Variants in ATF2 observed in about 807,000 individuals in gnomAD.
ATF2 encodes the protein activating transcription factor 2, also known as cyclic AMP-dependent transcription factor ATF-2.
A neutral mutation model predicts 60.6 loss-of-function variants in ATF2; 24 were observed. The observed-to-expected ratio is 0.40, with a 90% CI of 0.29 to 0.56. The LOEUF (loss-of-function observed/expected upper bound fraction) is 0.56. ATF2 is among the 20% of genes least tolerant of loss of function. The pLI, the probability that ATF2 is intolerant of heterozygous loss-of-function variation, is 0.54. For missense variants in ATF2, 433 were observed against 607.7 expected, an observed-to-expected ratio of 0.71 and a Z score of 3.02; for synonymous variants, 206 against 215.4, an observed-to-expected ratio of 0.96 and a Z score of 0.38.
At chr2:175,108,444 C>T (rs1295195133) in intron 10 of ATF2, among the ~76,000 whole-genome samples, 7 of 150,014 alleles carry the variant, frequency 4.7e-5, no homozygotes, top group African/African-American at 1.7e-4. Flanking sequence ...CGGCCAGCAG[C>T]CCCGTCCGGG....
chr2:175,121,610 T>C (rs1574420047), intron 4 of ATF2, 70 bp from the exon 5 acceptor site: 2 of 1,208,950 alleles, frequency 1.7e-6, no homozygotes, highest in Middle Eastern at 2.0e-4. Context: ...GATTAGGAAA[T>C]TAATTTCCAC....
At chr2:175,140,999 GAAAAAAAAAAAAAAAAAAAAAAA>G (rs869208203) in intron 2 of ATF2, among the ~76,000 whole-genome samples, 4 of 26,760 alleles carry the variant, frequency 1.5e-4, no homozygotes, top group Non-Finnish European at 2.6e-4. Context: ...CCTATCTCAG[GAAAAAAAAAAAAAAAAAAAAAAA>G]AAAAAAAAAT....
At chr2:175,097,003 A>G (rs941996196) in intron 11 of ATF2, among the ~76,000 whole-genome samples, 1 of 152,216 alleles carries the variant, frequency 6.6e-6, no homozygotes, top group Non-Finnish European at 1.5e-5. Flanking sequence ...GTTTTGGACA[A>G]TAAGAAAACA....
At chr2:175,128,364 G>C (rs1366447255) in intron 4 of ATF2, among the ~76,000 whole-genome samples, 2 of 152,136 alleles carry the variant, frequency 1.3e-5, no homozygotes. Flanking sequence ...GCCAGGTGTG[G>C]TGGCGCATGC....
At chr2:175,081,178 T>TAAGCC (rs1693731904) in intron 12 of ATF2, among the ~76,000 whole-genome samples, 7 of 152,166 alleles carry the variant, frequency 4.6e-5, no homozygotes, top group African/African-American at 1.7e-4. Context: ...ATCCTAGAAA[T>TAAGCC]TCAAATAAGC....
chr2:175,081,180 C>G (rs1036630887), intron 12 of ATF2, among the ~76,000 whole-genome samples: 7 of 152,142 alleles, frequency 4.6e-5, no homozygotes, highest in African/African-American at 1.7e-4. Context: ...CCTAGAAATT[C>G]AAATAAGCAA....
At chr2:175,116,540 C>A (rs1257160564) in intron 7 of ATF2, among the ~76,000 whole-genome samples, 41 of 152,024 alleles carry the variant, frequency 2.7e-4, no homozygotes, top group African/African-American at 9.2e-4. Context: ...GGTGAGATAC[C>A]TATGCCCATA....
chr2:175,117,917 A>G, intron 7 of ATF2, 73 bp downstream of exon 7: 1 of 1,434,608 alleles, frequency 7.0e-7, no homozygotes. Flanking sequence ...TTAACATTTT[A>G]TGGAGATTAA....
chr2:175,113,662 CCA>C (rs1696359169), intron 9 of ATF2, among the ~76,000 whole-genome samples: 1 of 151,832 alleles, frequency 6.6e-6, no homozygotes, highest in African/African-American at 2.4e-5. Flanking sequence ...AATAGAAATA[CCA>C]CAGAGTTACC....
chr2:175,109,121 T>C (rs1232354436), intron 10 of ATF2, among the ~76,000 whole-genome samples: 2 of 134,702 alleles, frequency 1.5e-5, no homozygotes, highest in South Asian at 2.3e-4. Context: ...TATTGTCCTA[T>C]GACCCTGCCA....
intron 2 of ATF2, among the ~76,000 whole-genome samples, chr2:175,140,289 G>A: frequency 6.6e-6 from 1 of 152,130 alleles, no homozygotes; most frequent in East Asian, 1.9e-4. Flanking sequence ...AAGTGACAAT[G>A]GCATTCTTAA....
In ATF2 at chr2:175,137,712, C is replaced by T. The variant is rs188604066; in HGVS notation, c.-43-1226G>A. Among the ~76,000 whole-genome samples the T allele has an allele frequency of 4.1e-3, 616 of 152,092 alleles. 5 individuals carry two copies. The highest frequency in any genetic ancestry group is 6.7e-3 in the Non-Finnish European group (457 of 67,954). On this transcript the variant is annotated intron_variant, in intron 2 of 13. Coordinates refer to ENST00000264110, the MANE Select transcript of ATF2 (RefSeq NM_001880.4). ...TTTCAGAGGGAGTTAGCCCTTGGTA[C>T]CCTTCTCCTTAATCTTTTCTACTCT...
chr2:175,115,078 G>GTTGT (rs567734620), intron 7 of ATF2, among the ~76,000 whole-genome samples: 19,551 of 144,034 alleles, frequency 0.14, 1,280 homozygotes, highest in Middle Eastern at 0.19. Context: ...AAAAAGACTC[G>GTTGT]TTTTTTTTTT....
chr2:175,105,969 G>C (rs996734591), intron 10 of ATF2, among the ~76,000 whole-genome samples: 2 of 152,034 alleles, frequency 1.3e-5, no homozygotes, highest in African/African-American at 4.8e-5. Context: ...CAAAATTTGT[G>C]CACAGAGGAA....
chr2:175,094,856 T>C (rs1694813994), intron 11 of ATF2, among the ~76,000 whole-genome samples: 1 of 152,110 alleles, frequency 6.6e-6, no homozygotes, highest in East Asian at 1.9e-4. Flanking sequence ...TGGGAGAGGA[T>C]TGCTTGAGCC....
At chr2:175,098,142 A>G (rs1695064123) in intron 10 of ATF2, among the ~76,000 whole-genome samples, 2 of 152,240 alleles carry the variant, frequency 1.3e-5, no homozygotes, top group Admixed American at 1.3e-4. Context: ...AGCAGAGATT[A>G]TCTTATACTT....
At position 175,141,009 on chromosome 2, in the gene ATF2, AAAAAAAAAAAAAAAAAAAAAAAT is replaced by A. The variant is rs1411640599; in HGVS notation, c.-43-4546_-43-4524del. On this transcript the variant is annotated intron_variant, in intron 2 of 13. Transcript: ENST00000264110. ...AAGACCCTATCTCAGGAAAAAAAAA[AAAAAAAAAAAAAAAAAAAAAAAT>A]ATATATATATATATATATATGTATA... Among the ~76,000 whole-genome samples, 5 of 89,042 alleles carry A rather than the reference AAAAAAAAAAAAAAAAAAAAAAAT, an allele frequency of 5.6e-5. No homozygotes were observed. The East Asian group carries it at 1.1e-3, about 20-fold the overall frequency. The allele number at this position is 89,042 out of a possible 152,430, so 58.4% of individuals were successfully genotyped here. A position where few individuals can be genotyped will look rare whatever the true frequency, so the allele number is the denominator to read the frequency against.
At chr2:175,080,450 G>T in intron 13 of ATF2, 1 of 371,858 alleles carries the variant, frequency 2.7e-6, no homozygotes, top group Admixed American at 4.4e-5. Context: ...GTAACGCTTA[G>T]GAAAAAAGCT....
At chr2:175,081,044 G>T (rs545837472) in intron 12 of ATF2, among the ~76,000 whole-genome samples, 2 of 151,968 alleles carry the variant, frequency 1.3e-5, no homozygotes, top group Non-Finnish European at 2.9e-5. Context: ...TATATTATTG[G>T]TGACCTGTTG....
Sources: allele counts gnomAD v4.1 joint callset (sites outside exome capture counted in the v4.1 genomes callset), GRCh38; gene constraint gnomAD v4.1.1; transcripts MANE v1.5; gene names NCBI Gene and HGNC (gene_info 2026-07-23, HGNC 2026-07-21).